The following DOK7 variants were observed in gnomAD, a reference collection of about 807,000 sequenced individuals.
DOK7 encodes the protein protein Dok-7.
In DOK7, 32 loss-of-function variants were observed where a neutral mutation model predicts 30.7. The ratio of observed to expected loss-of-function variants is 1.04; its 90% CI spans 0.79 to 1.40. The LOEUF (loss-of-function observed/expected upper bound fraction) is 1.40, where lower values mean the gene tolerates loss of function less well. Ranked by LOEUF, DOK7 falls within the 40% of genes most tolerant of loss-of-function variation. The pLI is 0.00. For synonymous variants in DOK7, 447 were observed against 324.1 expected, an observed-to-expected ratio of 1.38 and a Z score of -4.07; for missense variants, 1,007 against 699.2, an observed-to-expected ratio of 1.44 and a Z score of -4.97.
At chr4:3,468,316 A>G (rs943348983) in intron 2 of DOK7, among the ~76,000 whole-genome samples, 1 of 140,374 alleles carries the variant, frequency 7.1e-6, no homozygotes, top group African/African-American at 2.8e-5. Flanking sequence ...GCGTGTGAAT[A>G]CCTGTGTGTG....
chr4:3,486,051 T>G (rs1727766555), intron 5 of DOK7, among the ~76,000 whole-genome samples: 1 of 152,224 alleles, frequency 6.6e-6, no homozygotes. Context: ...CGGGGGCAGC[T>G]GGTCTGACTC....
chr4:3,492,860 G>A lies in DOK7; in HGVS notation c.874G>A (p.Ala292Thr). 6.2e-7 allele frequency: 1 copy of A among 1,609,804 alleles called. No individual in the cohort carries two copies. Among genetic ancestry groups the A allele is most frequent in the Non-Finnish European group, 8.5e-7 (1 of 1,179,036 alleles). Residue 292 changes from alanine to threonine, a missense_variant, in exon 7 of 7, where the codon GCC becomes ACC. Physicochemically the swap from Ala to Thr is moderately conservative, Grantham distance 58. Transcript: ENST00000340083. ...TAWPEQSSSS[A>T]STSQEGPRPA... Reference sequence around the variant, plus strand: ...ATGGCCAGAGCAATCCTCGTCGTCAGCCAGCACGTCACAGGAGGGGCCTAG... The same window carrying A: ...ATGGCCAGAGCAATCCTCGTCGTCAACCAGCACGTCACAGGAGGGGCCTAG...
At chr4:3,479,646 C>CTCCTCT (rs1727320899) in intron 4 of DOK7, among the ~76,000 whole-genome samples, 1 of 152,232 alleles carries the variant, frequency 6.6e-6, no homozygotes, top group African/African-American at 2.4e-5. Flanking sequence ...TGACCCTGGC[C>CTCCTCT]CAAGGCGATG....
intron 4 of DOK7, 129 bp downstream of exon 4, chr4:3,476,671 G>A: frequency 8.3e-7 from 1 of 1,203,164 alleles, no homozygotes; most frequent in Non-Finnish European, 1.2e-6. Flanking sequence ...GCGCCGGCAG[G>A]TGGACGGAGT....
chr4:3,500,631 C>G lies in DOK7; in HGVS notation c.1262-61C>G, dbSNP rs762005559. On this transcript the variant is annotated intron_variant, in intron 7 of 7. Coordinates refer to the DOK7 transcript ENST00000643608. ...CTGGCTGGGGGACTGGTGTGGAGGG[C>G]AGGGTCACAGGGCTGGGTGGCTCGG... The G allele has an allele frequency of 3.6e-4, 546 of 1,534,374 alleles. 3 individuals are homozygous for G. Among genetic ancestry groups the G allele is most frequent in the Non-Finnish European group, 4.3e-4 (492 of 1,146,252 alleles).
chr4:3,489,556 C>T, intron 5 of DOK7, 121 bp from the exon 6 acceptor site: 1 of 1,486,200 alleles, frequency 6.7e-7, no homozygotes, highest in African/African-American at 1.4e-5. Flanking sequence ...GGAGCGGGGA[C>T]TCCCAGGGGA....
downstream of DOK7, among the ~76,000 whole-genome samples, chr4:3,498,887 TG>T (rs1284194561): frequency 2.0e-5 from 3 of 152,224 alleles, no homozygotes; most frequent in Non-Finnish European, 4.4e-5. Flanking sequence ...CTTTAGTTCA[TG>T]GAATCAGGTG....
chr4:3,482,666 A>C (rs148272884), intron 4 of DOK7, among the ~76,000 whole-genome samples: 1 of 152,266 alleles, frequency 6.6e-6, no homozygotes, highest in African/African-American at 2.4e-5. Flanking sequence ...TGATATAGCA[A>C]AATGGGGCAG....
At chr4:3,496,538 C>T (rs1728922535), downstream of DOK7, among the ~76,000 whole-genome samples, 1 of 152,248 alleles carries the variant, frequency 6.6e-6, no homozygotes, top group Non-Finnish European at 1.5e-5. Context: ...GAACCGCCCC[C>T]TCCCCAGATG....
chr4:3,474,504 G>T (rs907251811), intron 3 of DOK7, among the ~76,000 whole-genome samples: 2 of 152,124 alleles, frequency 1.3e-5, no homozygotes, highest in Non-Finnish European at 2.9e-5. Flanking sequence ...GGGCAACGTG[G>T]CGAAACCTCG....
intron 2 of DOK7, among the ~76,000 whole-genome samples, chr4:3,468,303 C>A (rs1476693841): frequency 6.7e-6 from 1 of 149,512 alleles, no homozygotes; most frequent in South Asian, 2.1e-4. Flanking sequence ...CACGTGTGCA[C>A]ATGCGTGTGA....
chr4:3,463,749 A>T (rs927644611), intron 2 of DOK7, among the ~76,000 whole-genome samples, 198 bp downstream of exon 2: 4 of 152,162 alleles, frequency 2.6e-5, no homozygotes, highest in African/African-American at 9.6e-5. Flanking sequence ...CCCTCTTTCC[A>T]GCAGGGCAGA....
chr4:3,493,644 G>A lies in DOK7; in HGVS notation c.*143G>A, dbSNP rs943574202. On this transcript the variant is annotated 3_prime_UTR_variant, in exon 7 of 7. Transcript: ENST00000340083. ...GTCTCCCGGAGAGGGGAGCTGGAGG[G>A]CGCGCCCTGTGGCTGCCACCGGAGG... 1 of 1,467,236 alleles carries A rather than the reference G, an allele frequency of 6.8e-7. No individual in the cohort carries two copies. The highest frequency in any genetic ancestry group is 9.0e-7 in the Non-Finnish European group (1 of 1,107,782). 90.9% of individuals were successfully genotyped at this position (1,467,236 alleles called of 1,614,324 possible).
intron 5 of DOK7, among the ~76,000 whole-genome samples, chr4:3,487,034 C>T (rs1210294417): frequency 1.3e-5 from 2 of 152,130 alleles, no homozygotes; most frequent in Non-Finnish European, 2.9e-5. Context: ...GCACGTGGGC[C>T]AGCCCCAGGC....
At chr4:3,473,264 T>C in intron 2 of DOK7, 142 bp from the exon 3 acceptor site, 1 of 733,858 alleles carries the variant, frequency 1.4e-6, no homozygotes, top group Non-Finnish European at 2.3e-6. Flanking sequence ...ATGCCGGGAG[T>C]CGAAGCCTTG....
rs111734920 is a variant in DOK7, at chr4:3,488,292, C to T, written c.653-1385C>T. On this transcript the variant is annotated intron_variant, in intron 5 of 6. Coordinates refer to ENST00000340083, the MANE Select transcript of DOK7 (RefSeq NM_173660.5). The stretch of plus-strand genomic sequence containing the variant: ...GTTCCTGGGCCCGGTGCTGTGAGCT[C>T]TCACCTGCCCGTGGGGAGGGCCCTG... Among the ~76,000 whole-genome samples, 244 of 152,340 alleles carry T rather than the reference C, an allele frequency of 1.6e-3. 3 individuals carry two copies. Among genetic ancestry groups the T allele is most frequent in the Middle Eastern group, 0.01 (3 of 294 alleles).
intron 2 of DOK7, among the ~76,000 whole-genome samples, chr4:3,465,011 G>A (rs1726190246): frequency 6.6e-6 from 1 of 152,194 alleles, no homozygotes; most frequent in Non-Finnish European, 1.5e-5. Flanking sequence ...GAGGTGATGT[G>A]GGGTAGTAGA....
intron 2 of DOK7, among the ~76,000 whole-genome samples, chr4:3,470,070 C>T (rs1210531004): frequency 2.6e-5 from 4 of 152,186 alleles, no homozygotes; most frequent in East Asian, 1.9e-4. Flanking sequence ...GCTCTGCAGT[C>T]GAGGGGCCCG....
chr4:3,464,451 C>T (rs1726159610), intron 2 of DOK7, among the ~76,000 whole-genome samples: 1 of 152,216 alleles, frequency 6.6e-6, no homozygotes, highest in South Asian at 2.1e-4. Flanking sequence ...ACTCAGCCCT[C>T]CGTGCCCAGA....
Sources: gnomAD v4.1 joint callset for allele counts (sites outside exome capture counted in the v4.1 genomes callset) on GRCh38, gnomAD v4.1.1 for gene constraint, MANE v1.5 for transcripts, NCBI Gene and HGNC (gene_info 2026-07-23, HGNC 2026-07-21) for gene names.